The following TJP1 variants were observed in gnomAD, a reference collection of about 807,000 sequenced individuals.
TJP1 encodes tight junction protein ZO-1.
TJP1 carries 43 observed loss-of-function variants against 194.2 expected under a neutral mutation model. The observed-to-expected ratio is 0.22, with a 90% CI of 0.17 to 0.29. TJP1 has a LOEUF of 0.29. Among genes scored for constraint, TJP1 ranks in the 10% least tolerant of loss-of-function variants. The pLI is 1.00. For missense variants in TJP1, 1,971 were observed against 2,185.7 expected (o/e 0.90, Z 1.96); for synonymous variants, 801 against 779.0 (o/e 1.03, Z -0.47).
intron 8 of TJP1, among the ~76,000 whole-genome samples, chr15:29,749,176 G>A (rs189785014): frequency 3.3e-5 from 5 of 150,270 alleles, no homozygotes; most frequent in Admixed American, 1.3e-4. Context: ...TAACTTGCAC[G>A]TATTAATCTA....
At chr15:29,962,977 T>G (rs971712686) in intron 1 of TJP1, among the ~76,000 whole-genome samples, 2 of 152,190 alleles carry the variant, frequency 1.3e-5, no homozygotes, top group Admixed American at 6.5e-5. Flanking sequence ...CCGTCTCTAC[T>G]AAAAATATAA....
chr15:29,718,509 T>C lies in TJP1; in HGVS notation c.3633A>G (p.Ala1211=), dbSNP rs750400596. ...CACCATGGAGAGGCTCAAAATGACC[T>C]GCTCTAGAGGTAAATCCTTGGGGTG... ...QVPPQGFTSR[A]GHFEPLHGAA... The change falls in exon 21 of 28, where the codon GCA becomes GCG. Residue 1211 remains alanine (A), a synonymous_variant. Coordinates refer to ENST00000614355, the MANE Select transcript of TJP1 (RefSeq NM_001330239.4). The C allele has an allele frequency of 4.3e-6, 7 of 1,614,052 alleles. No individual in the cohort carries two copies. The Admixed American group carries it at 6.7e-5, about 15-fold the overall frequency.
At chr15:29,846,225 C>A (rs2051403412) in intron 2 of TJP1, among the ~76,000 whole-genome samples, 1 of 152,168 alleles carries the variant, frequency 6.6e-6, no homozygotes, top group Non-Finnish European at 1.5e-5. Context: ...ATATGGCCTA[C>A]AGCTCCTGCA....
chr15:29,723,190 G>C (rs1217353143), intron 18 of TJP1, among the ~76,000 whole-genome samples: 2 of 152,120 alleles, frequency 1.3e-5, no homozygotes, highest in Non-Finnish European at 2.9e-5. Context: ...ATTTGGGAGG[G>C]ACCAGGAACA....
At chr15:29,756,673 T>C (rs2045663310) in intron 8 of TJP1, among the ~76,000 whole-genome samples, 1 of 152,180 alleles carries the variant, frequency 6.6e-6, no homozygotes, top group East Asian at 1.9e-4. Context: ...GGAACATAAG[T>C]AGGTCATGAC....
chr15:29,959,021 G>T (rs1039256458), intron 1 of TJP1, among the ~76,000 whole-genome samples: 3 of 148,504 alleles, frequency 2.0e-5, no homozygotes, highest in Non-Finnish European at 4.4e-5. Flanking sequence ...TCGGAGTCTC[G>T]CTGTGCCTCC....
chr15:29,862,554 G>A (rs2052120412), intron 2 of TJP1, among the ~76,000 whole-genome samples: 1 of 152,082 alleles, frequency 6.6e-6, no homozygotes, highest in Non-Finnish European at 1.5e-5. Flanking sequence ...CAAAAGGAAA[G>A]CGGAGTGATG....
intron 2 of TJP1, among the ~76,000 whole-genome samples, chr15:29,844,138 G>A (rs145246619): frequency 9.4e-4 from 143 of 152,248 alleles, no homozygotes; most frequent in African/African-American, 3.2e-3. Flanking sequence ...GCTGCAGTGC[G>A]CGGCTCACTG....
chr15:29,790,439 T>C (rs559147753), intron 2 of TJP1, among the ~76,000 whole-genome samples: 8 of 60,338 alleles, frequency 1.3e-4, no homozygotes, highest in Admixed American at 4.2e-4. Flanking sequence ...TATATATTTA[T>C]GGGATCCACA....
At chr15:29,934,870 C>T (rs923198556) in intron 2 of TJP1, among the ~76,000 whole-genome samples, 11 of 152,188 alleles carry the variant, frequency 7.2e-5, no homozygotes, top group African/African-American at 2.7e-4. Flanking sequence ...CAAAGATTTT[C>T]ATTTGACTGT....
intron 2 of TJP1, among the ~76,000 whole-genome samples, chr15:29,930,570 G>C (rs60884490): frequency 6.6e-6 from 1 of 152,070 alleles, no homozygotes; most frequent in Non-Finnish European, 1.5e-5. Flanking sequence ...GACCAACAGA[G>C]GATTTCTCTA....
At chr15:29,817,154 C>G (rs1229471884) in intron 1 of TJP1, among the ~76,000 whole-genome samples, 2 of 152,090 alleles carry the variant, frequency 1.3e-5, no homozygotes, top group East Asian at 1.9e-4. Context: ...AGAATATGAA[C>G]AGACACTTCT....
intron 2 of TJP1, among the ~76,000 whole-genome samples, chr15:29,885,098 G>C (rs944428009): frequency 1.3e-5 from 2 of 152,160 alleles, no homozygotes; most frequent in East Asian, 1.9e-4. Flanking sequence ...CTCTAACCCT[G>C]CTTTTCCCTG....
intron 2 of TJP1, among the ~76,000 whole-genome samples, chr15:29,920,960 CAT>C (rs2054338059): frequency 2.0e-5 from 3 of 152,246 alleles, no homozygotes; most frequent in Middle Eastern, 3.4e-3. Context: ...ATGAGTAAAA[CAT>C]GTGAAATGGA....
chr15:29,934,155 A>C (rs1483853503), intron 2 of TJP1, among the ~76,000 whole-genome samples: 1 of 152,280 alleles, frequency 6.6e-6, no homozygotes. Flanking sequence ...AAGCACTGAC[A>C]TAAATGACTG....
chr15:29,730,122 G>C (rs945194874), intron 15 of TJP1, among the ~76,000 whole-genome samples: 2 of 152,022 alleles, frequency 1.3e-5, no homozygotes, highest in African/African-American at 4.8e-5. Context: ...AGAAAAATTG[G>C]ATATAAACTT....
At chr15:29,927,779 G>C (rs2054571877) in intron 2 of TJP1, among the ~76,000 whole-genome samples, 1 of 152,058 alleles carries the variant, frequency 6.6e-6, no homozygotes, top group Admixed American at 6.5e-5. Context: ...AGGGCTGAAG[G>C]CACATAAATT....
chr15:29,721,074 A>G (rs537248251), intron 18 of TJP1, among the ~76,000 whole-genome samples: 1 of 152,354 alleles, frequency 6.6e-6, no homozygotes, highest in East Asian at 1.9e-4. Flanking sequence ...TACCAAACTA[A>G]GCTCACAGAA....
intron 2 of TJP1, among the ~76,000 whole-genome samples, chr15:29,907,566 C>A (rs1306200428): frequency 6.6e-6 from 1 of 152,128 alleles, no homozygotes; most frequent in African/African-American, 2.4e-5. Flanking sequence ...TATTCGCCAA[C>A]ATTTCTACAA....
Sources: gnomAD v4.1 joint callset for allele counts (sites outside exome capture counted in the v4.1 genomes callset) on GRCh38, gnomAD v4.1.1 for gene constraint, MANE v1.5 for transcripts, NCBI Gene and HGNC (gene_info 2026-07-23, HGNC 2026-07-21) for gene names.